The following TNFRSF9 variants were observed in gnomAD, a reference collection of about 807,000 sequenced individuals.
TNFRSF9 encodes the protein TNF receptor superfamily member 9.
In TNFRSF9, 16 loss-of-function variants were observed where a neutral mutation model predicts 28.8. The ratio of observed to expected loss-of-function variants is 0.55; its 90% CI spans 0.38 to 0.84. The LOEUF (loss-of-function observed/expected upper bound fraction) is 0.84, where lower values mean the gene tolerates loss of function less well. Ranked by LOEUF, TNFRSF9 falls within the 40% of genes least tolerant of loss-of-function variation. The probability of loss-of-function intolerance (pLI) is 0.00; values close to 1 mark genes in which losing one functional copy is unlikely to be tolerated. For missense variants in TNFRSF9, 303 were observed against 315.0 expected (o/e 0.96, Z 0.29); for synonymous variants, 131 against 117.0 (o/e 1.12, Z -0.77).
intron 7 of TNFRSF9, among the ~76,000 whole-genome samples, chr1:7,927,325 GCTAA>G (rs1157894760): frequency 6.6e-6 from 1 of 152,160 alleles, no homozygotes; most frequent in Non-Finnish European, 1.5e-5. Flanking sequence ...ACACCAAACG[GCTAA>G]CTGACAATTA....
chr1:7,940,583 G>T (rs1318413072), intron 1 of TNFRSF9, among the ~76,000 whole-genome samples: 1 of 152,188 alleles, frequency 6.6e-6, no homozygotes, highest in Non-Finnish European at 1.5e-5. Flanking sequence ...ACAGAGACAT[G>T]TTTTGAGATG....
In TNFRSF9 at chr1:7,937,740, G is replaced by A. The variant is rs1639841541; in HGVS notation, c.363C>T (p.Cys121=). The change falls in exon 5 of 8, where the codon TGC becomes TGT. Residue 121 remains cysteine, a synonymous_variant. Transcript: ENST00000377507. Reference sequence around the variant, plus strand: ...GTTTCTGATCGTTAAATGTCCCAAAGCAACAGTCTTTACAACCTTGTATTA... The same window carrying A: ...GTTTCTGATCGTTAAATGTCCCAAAACAACAGTCTTTACAACCTTGTATTA... The part of the protein sequence containing the change: ...ELTKKGCKDC[C]FGTFNDQKRG... 6.2e-7 allele frequency: 1 copy of A among 1,612,914 alleles called. No individual in the cohort carries two copies. Among genetic ancestry groups the A allele is most frequent in the South Asian group, 1.1e-5 (1 of 90,990 alleles).
chr1:7,933,107 C>G lies in TNFRSF9; in HGVS notation c.679+55G>C, dbSNP rs148926159. 4.2e-5 allele frequency: 65 copies of G among 1,536,030 alleles called. No homozygotes were observed. In the East Asian group the frequency reaches 1.5e-3, roughly 35 times the overall value. ...TTTTTTTAAAATCATATTTTCCTTTCTATTATAAAAAGCCTTGCCTTGCCA... is the reference window on the plus strand; with the variant it reads ...TTTTTTTAAAATCATATTTTCCTTTGTATTATAAAAAGCCTTGCCTTGCCA... On this transcript the variant is annotated intron_variant, in intron 7 of 7. Coordinates refer to ENST00000377507, the MANE Select transcript of TNFRSF9 (RefSeq NM_001561.6).
At chr1:7,925,277 C>T (rs2151413204) in intron 7 of TNFRSF9, among the ~76,000 whole-genome samples, 1 of 151,336 alleles carries the variant, frequency 6.6e-6, no homozygotes. Context: ...CACTGCATTC[C>T]AGCCTGGGCA....
rs777076640 is a variant in TNFRSF9, at chr1:7,935,031, C to T, written c.526G>A (p.Ala176Thr). Residue 176 changes from alanine to threonine, a missense_variant, in exon 6 of 8, where the codon GCC becomes ACC. Physicochemically the swap from Ala to Thr is moderately conservative, Grantham distance 58 (BLOSUM62 0). Coordinates refer to ENST00000377507, the MANE Select transcript of TNFRSF9 (RefSeq NM_001561.6). ...SPGASSVTPP[A>T]PAREPGHSPQ... ...CAGTTACCTGGCTCTCTCGCAGGGG[C>T]AGGCGGGGTCACAGAGGATGCTCCC... The T allele has an allele frequency of 1.2e-6, 2 of 1,614,102 alleles. No homozygotes were observed. Among genetic ancestry groups the T allele is most frequent in the African/African-American group, 2.7e-5 (2 of 74,958 alleles).
intron 7 of TNFRSF9, among the ~76,000 whole-genome samples, chr1:7,926,404 T>G (rs917637281): frequency 6.6e-6 from 1 of 152,166 alleles, no homozygotes; most frequent in Non-Finnish European, 1.5e-5. Context: ...TCTATGATGT[T>G]CACACAACAA....
intron 7 of TNFRSF9, among the ~76,000 whole-genome samples, chr1:7,925,249 A>C (rs1037529678): frequency 2.0e-4 from 30 of 152,124 alleles, no homozygotes; most frequent in Non-Finnish European, 3.7e-4. Flanking sequence ...TGCAGGCTGC[A>C]GTGAGCCAAG....
intron 4 of TNFRSF9, 27 bp downstream of exon 4, chr1:7,938,166 C>T (rs762329467): frequency 3.9e-6 from 6 of 1,552,256 alleles, no homozygotes; most frequent in Non-Finnish European, 5.2e-6. Flanking sequence ...CACAAAACTA[C>T]ACTAGATCAA....
intron 7 of TNFRSF9, among the ~76,000 whole-genome samples, chr1:7,922,629 T>C (rs1003672835): frequency 1.3e-5 from 2 of 152,024 alleles, no homozygotes; most frequent in Non-Finnish European, 2.9e-5. Flanking sequence ...CTGGCCAACA[T>C]GGCGAAACCC....
At chr1:7,928,085 G>A (rs161820) in intron 7 of TNFRSF9, among the ~76,000 whole-genome samples, 34,526 of 152,094 alleles carry the variant, frequency 0.23, 9,134 homozygotes, top group African/African-American at 0.61. Flanking sequence ...CATAAGGGAA[G>A]TGCAAATTAA....
chr1:7,937,792 G>T, intron 4 of TNFRSF9, 36 bp from the exon 5 acceptor site: 2 of 1,557,976 alleles, frequency 1.3e-6, no homozygotes, highest in Non-Finnish European at 1.8e-6. Flanking sequence ...TAAAAGGGAA[G>T]CATTTTCATC....
chr1:7,929,201 G>A lies in TNFRSF9; in HGVS notation c.679+3961C>T, dbSNP rs546605939. ...TTTTGAGACAGAGTCTTGCTCTGTC[G>A]CCCAGGCTGGAGTGAAGTGCAGGAT... is the stretch of plus-strand genomic sequence containing the variant. On this transcript the variant is annotated intron_variant, in intron 7 of 7. Coordinates refer to ENST00000377507, the MANE Select transcript of TNFRSF9 (RefSeq NM_001561.6). 2.7e-4 allele frequency among the ~76,000 whole-genome samples: 32 copies of A among 119,822 alleles called. No individual in the cohort carries two copies. The South Asian group carries it at 3.5e-3, about 13-fold the overall frequency. The allele number at this position is 119,822 out of a possible 152,430, so 78.6% of individuals were successfully genotyped here.
chr1:7,934,800 G>T (rs1237478933), intron 6 of TNFRSF9, among the ~76,000 whole-genome samples: 1 of 152,168 alleles, frequency 6.6e-6, no homozygotes, highest in African/African-American at 2.4e-5. Context: ...ACTCTGTTTG[G>T]GTGAAGTGTC....
intron 7 of TNFRSF9, among the ~76,000 whole-genome samples, chr1:7,929,066 A>T (rs1374361742): frequency 6.6e-6 from 1 of 152,112 alleles, no homozygotes; most frequent in Non-Finnish European, 1.5e-5. Flanking sequence ...TAACAAAAAA[A>T]TACTTCTGCC....
intron 3 of TNFRSF9, among the ~76,000 whole-genome samples, 194 bp from the exon 4 acceptor site, chr1:7,938,524 T>G (rs1317538772): frequency 6.6e-6 from 1 of 152,242 alleles, no homozygotes; most frequent in Non-Finnish European, 1.5e-5. Flanking sequence ...GTCAAATGAA[T>G]GTTTCCTCTA....
At position 7,917,121 on chromosome 1, in the gene TNFRSF9, G is replaced by A. The variant is rs1247356788; in HGVS notation, c.*3714C>T. 1.3e-5 allele frequency: 2 copies of A among 151,986 alleles called. No homozygotes were observed. Among genetic ancestry groups the A allele is most frequent in the African/African-American group, 4.8e-5 (2 of 41,356 alleles). The allele number at this position is 151,986 out of a possible 1,614,324, so 9.4% of individuals were successfully genotyped here. A position where few individuals can be genotyped will look rare whatever the true frequency, so the allele number is the denominator to read the frequency against. ...ATTTTTGTATTTTTTAGTAGAGATGGGGTTTCACCATGTTGGCCAGGCTGT... is the reference window on the plus strand; with the variant it reads ...ATTTTTGTATTTTTTAGTAGAGATGAGGTTTCACCATGTTGGCCAGGCTGT... On this transcript the variant is annotated 3_prime_UTR_variant, in exon 8 of 8. Coordinates refer to ENST00000377507, the MANE Select transcript of TNFRSF9 (RefSeq NM_001561.6).
chr1:7,940,188 G>A (rs1033860994), intron 1 of TNFRSF9, 110 bp from the exon 2 acceptor site: 2 of 423,458 alleles, frequency 4.7e-6, no homozygotes, highest in Non-Finnish European at 8.7e-6. Flanking sequence ...GGTTTTTCAG[G>A]AACAATTAAT....
intron 7 of TNFRSF9, among the ~76,000 whole-genome samples, chr1:7,930,310 A>G (rs1182293100): frequency 3.9e-5 from 6 of 152,156 alleles, no homozygotes; most frequent in African/African-American, 1.4e-4. Flanking sequence ...CCGGGTCGTG[A>G]TGGCGAGCGC....
chr1:7,938,062 A>G, intron 4 of TNFRSF9, 131 bp downstream of exon 4: 1 of 671,516 alleles, frequency 1.5e-6, no homozygotes, highest in Non-Finnish European at 2.2e-6. Context: ...TAATTAAAAT[A>G]TGATATATCA....
Sources: gnomAD v4.1 joint callset for allele counts (sites outside exome capture counted in the v4.1 genomes callset) on GRCh38, gnomAD v4.1.1 for gene constraint, MANE v1.5 for transcripts, NCBI Gene and HGNC (gene_info 2026-07-23, HGNC 2026-07-21) for gene names.